HSD11B2: variants seen among roughly 807,000 people sequenced by gnomAD.
The protein encoded by HSD11B2 is hydroxysteroid 11-beta dehydrogenase 2.
In HSD11B2, 17 loss-of-function variants were observed where a neutral mutation model predicts 20.9. The observed-to-expected ratio is 0.81, with a 90% CI of 0.56 to 1.22. The LOEUF is 1.22. Among genes scored for constraint, HSD11B2 ranks in the 50% most tolerant of loss-of-function variants. The pLI is 0.00. For synonymous variants in HSD11B2, 253 were observed against 255.4 expected, an observed-to-expected ratio of 0.99 and a Z score of 0.09; for missense variants, 480 against 563.6, an observed-to-expected ratio of 0.85 and a Z score of 1.50.
Position 67,431,226 on chromosome 16 carries a change from C to T in HSD11B2, c.-23C>T. On this transcript the variant is annotated 5_prime_UTR_variant, in exon 1 of 5. Transcript: ENST00000326152. ...TCCCCGGCCCGGCCCCCGCCCCGCC[C>T]CGCCCCAGCCCGCTGGGCCGCCATG... 1 of 1,179,392 alleles carries T rather than the reference C, an allele frequency of 8.5e-7. No homozygotes were observed. Among genetic ancestry groups the T allele is most frequent in the Non-Finnish European group, 1.0e-6 (1 of 953,962 alleles). The allele number at this position is 1,179,392 out of a possible 1,614,324, so 73.1% of individuals were successfully genotyped here. A position where few individuals can be genotyped will look rare whatever the true frequency, so the allele number is the denominator to read the frequency against.
chr16:67,436,712 C>T lies in HSD11B2; in HGVS notation c.927C>T (p.His309=). The T allele has an allele frequency of 1.2e-6, 2 of 1,614,168 alleles. No homozygotes were observed. Among genetic ancestry groups the T allele is most frequent in the Non-Finnish European group, 1.7e-6 (2 of 1,180,038 alleles). ...YIEHLHGQFL[H]SLRLAMSDLT... ...AGCACTTGCATGGGCAGTTCCTGCACTCGCTACGCCTGGCCATGTCCGACC... is the reference window on the plus strand; with the variant it reads ...AGCACTTGCATGGGCAGTTCCTGCATTCGCTACGCCTGGCCATGTCCGACC... Residue 309 remains histidine, a synonymous_variant, in exon 5 of 5, where the codon CAC becomes CAT. Transcript: ENST00000326152. The surrounding 1 kb of genome is among the most constrained non-coding windows in gnomAD (Gnocchi z 5.7).
At position 67,435,699 on chromosome 16, in the gene HSD11B2, G is replaced by A. The variant is rs978078233; in HGVS notation, c.337G>A (p.Val113Ile). Residue 113 changes from valine to isoleucine, a missense_variant, in exon 2 of 5, where the codon GTA becomes ATA. By Grantham distance (29) the Val-to-Ile change is conservative. Transcript: ENST00000326152. ...CATGGGCTTCACGGTGCTGGCCACCGTATTGGAGTTGAACAGCCCCGGTGC... is the reference window on the plus strand; with the variant it reads ...CATGGGCTTCACGGTGCTGGCCACCATATTGGAGTTGAACAGCCCCGGTGC... The part of the protein sequence containing the change: ...DSMGFTVLAT[V>I]LELNSPGAIE... 1.8e-5 allele frequency: 29 copies of A among 1,613,850 alleles called. No individual in the cohort carries two copies. Among genetic ancestry groups the A allele is most frequent in the East Asian group, 2.2e-5 (1 of 44,890 alleles).
In HSD11B2 at chr16:67,435,945, C is replaced by G. The variant is rs72650120; in HGVS notation, c.479-12C>G. ...TGACCTAAGGCTTCCCTCCTCTGCT[C>G]TGTGACCCCAGGCCTGTGGGGCCTC... On this transcript the variant is annotated splice_polypyrimidine_tract_variant and intron_variant, in intron 2 of 4. Coordinates refer to ENST00000326152, the MANE Select transcript of HSD11B2 (RefSeq NM_000196.4). The G allele has an allele frequency of 6.1e-5, 99 of 1,614,038 alleles. No homozygotes were observed. The highest frequency in any genetic ancestry group is 8.4e-5 in the Non-Finnish European group (99 of 1,180,040).
At position 67,431,221 on chromosome 16, in the gene HSD11B2, C is replaced by T; in HGVS notation, c.-28C>T. 2 of 1,166,964 alleles carry T rather than the reference C, an allele frequency of 1.7e-6. No individual in the cohort carries two copies. Among genetic ancestry groups the T allele is most frequent in the Non-Finnish European group, 1.1e-6 (1 of 945,798 alleles). 72.3% of individuals were successfully genotyped at this position (1,166,964 alleles called of 1,614,324 possible). A position where few individuals can be genotyped will look rare whatever the true frequency, so the allele number is the denominator to read the frequency against. ...CCCGCTCCCCGGCCCGGCCCCCGCC[C>T]CGCCCCGCCCCAGCCCGCTGGGCCG... On this transcript the variant is annotated 5_prime_UTR_variant, in exon 1 of 5. Coordinates refer to ENST00000326152, the MANE Select transcript of HSD11B2 (RefSeq NM_000196.4).
chr16:67,431,208 C>A lies in HSD11B2; in HGVS notation c.-41C>A. 1 of 1,119,396 alleles carries A rather than the reference C, an allele frequency of 8.9e-7. No individual in the cohort carries two copies. The highest frequency in any genetic ancestry group is 1.1e-6 in the Non-Finnish European group (1 of 908,288). The allele number at this position is 1,119,396 out of a possible 1,614,324, so 69.3% of individuals were successfully genotyped here. A position where few individuals can be genotyped will look rare whatever the true frequency, so the allele number is the denominator to read the frequency against. On this transcript the variant is annotated 5_prime_UTR_variant, in exon 1 of 5. Transcript: ENST00000326152. ...GAAGCTCTCTCTCCCCGCTCCCCGG[C>A]CCGGCCCCCGCCCCGCCCCGCCCCA... is the stretch of plus-strand genomic sequence containing the variant.
chr16:67,435,548 C>A, intron 1 of HSD11B2, 80 bp from the exon 2 acceptor site: 1 of 1,173,970 alleles, frequency 8.5e-7, no homozygotes, highest in Non-Finnish European at 1.3e-6. Context: ...TGGATCCCAT[C>A]CAGACCCTGG....
chr16:67,435,458 A>G (rs1326384529), intron 1 of HSD11B2, 170 bp from the exon 2 acceptor site: 4 of 699,434 alleles, frequency 5.7e-6, no homozygotes, highest in Non-Finnish European at 1.0e-5. Flanking sequence ...GGGCTCAGCT[A>G]GAGGGACACA....
chr16:67,435,032 CAAAAAAAA>C (rs1057333024), intron 1 of HSD11B2, among the ~76,000 whole-genome samples: 2 of 70,380 alleles, frequency 2.8e-5, no homozygotes, highest in South Asian at 4.5e-4. Context: ...CCGTCTCAAA[CAAAAAAAA>C]AAAAAAAGAA....
At chr16:67,433,294 A>G (rs1336543179) in intron 1 of HSD11B2, 1 of 152,066 alleles carries the variant, frequency 6.6e-6, no homozygotes, top group Non-Finnish European at 1.5e-5. Context: ...TGCCAAGAAC[A>G]CTGTGTTTTG....
intron 1 of HSD11B2, 34 bp downstream of exon 1, chr16:67,431,547 A>G: frequency 7.5e-7 from 1 of 1,330,972 alleles, no homozygotes; most frequent in South Asian, 1.9e-5. Context: ...CGGGGACTCC[A>G]GGCTCGAGGG....
chr16:67,432,126 C>T (rs916630175), intron 1 of HSD11B2, among the ~76,000 whole-genome samples: 1 of 152,186 alleles, frequency 6.6e-6, no homozygotes, highest in African/African-American at 2.4e-5. Context: ...AGCACCCCAC[C>T]CCCAAGCCCT....
chr16:67,432,119 A>T (rs2040937739), intron 1 of HSD11B2, among the ~76,000 whole-genome samples: 1 of 151,752 alleles, frequency 6.6e-6, no homozygotes, highest in South Asian at 2.1e-4. Flanking sequence ...TACACCCAGC[A>T]CCCCACCCCC....
chr16:67,433,428 C>T (rs997260790), intron 1 of HSD11B2, among the ~76,000 whole-genome samples: 1 of 152,106 alleles, frequency 6.6e-6, no homozygotes, highest in Non-Finnish European at 1.5e-5. Context: ...TGCCTGTGTG[C>T]ACACATGTGC....
In HSD11B2 at chr16:67,431,321, C is replaced by T; in HGVS notation, c.73C>T (p.Arg25Cys). 3 of 1,251,370 alleles carry T rather than the reference C, an allele frequency of 2.4e-6. No homozygotes were observed. The highest frequency in any genetic ancestry group is 2.0e-6 in the Non-Finnish European group (2 of 988,130). The allele number at this position is 1,251,370 out of a possible 1,614,324, so 77.5% of individuals were successfully genotyped here. ...VAARALLQLLRSDLRLGRPLL... is the reference protein window; with the variant it reads ...VAARALLQLLCSDLRLGRPLL... ...TGCCCGCGCGCTGCTGCAGCTGCTG[C>T]GCTCAGACCTGCGTCTGGGCCGCCC... The change falls in exon 1 of 5, where the codon CGC (arginine) becomes TGC (cysteine). Residue 25 changes from arginine (R) to cysteine (C), a missense_variant. Arg to Cys is a radical substitution (Grantham distance 180, BLOSUM62 -3). Transcript: ENST00000326152.
Position 67,431,295 on chromosome 16 carries a change from C to A in HSD11B2, c.47C>A (p.Ala16Asp). ...WPSGGAWLLV[A>D]ARALLQLLRS... ...TCGGGCGGCGCCTGGCTGCTCGTGG[C>A]TGCCCGCGCGCTGCTGCAGCTGCTG... The change falls in exon 1 of 5, where the codon GCT (alanine) becomes GAT (aspartate). Residue 16 changes from alanine (A) to aspartate (D), a missense_variant. Coordinates refer to ENST00000326152, the MANE Select transcript of HSD11B2 (RefSeq NM_000196.4). 1 of 1,266,552 alleles carries A rather than the reference C, an allele frequency of 7.9e-7. No homozygotes were observed. Among genetic ancestry groups the A allele is most frequent in the Non-Finnish European group, 1.0e-6 (1 of 995,998 alleles). 78.5% of individuals were successfully genotyped at this position (1,266,552 alleles called of 1,614,324 possible). A position where few individuals can be genotyped will look rare whatever the true frequency, so the allele number is the denominator to read the frequency against.
In HSD11B2 at chr16:67,437,010, T is replaced by C. The variant is rs72650125; in HGVS notation, c.*7T>C. ...CCCAGCAGTGGCTCGGTGAGCCATG[T>C]GCACCTATGGCCCAGCCACTGCAGC... On this transcript the variant is annotated 3_prime_UTR_variant, in exon 5 of 5. Transcript: ENST00000326152. The C allele has an allele frequency of 2.5e-6, 4 of 1,605,822 alleles. No homozygotes were observed. The African/African-American group carries it at 5.3e-5, about 21-fold the overall frequency.
chr16:67,436,150 C>T lies in HSD11B2; in HGVS notation c.664+8C>T, dbSNP rs79845354. The T allele has an allele frequency of 3.2e-6, 5 of 1,582,728 alleles. No individual in the cohort carries two copies. Among genetic ancestry groups the T allele is most frequent in the Non-Finnish European group, 4.3e-6 (5 of 1,160,566 alleles). On this transcript the variant is annotated splice_region_variant and intron_variant, in intron 3 of 4. Coordinates refer to ENST00000326152, the MANE Select transcript of HSD11B2 (RefSeq NM_000196.4). The surrounding 1 kb of genome is among the most constrained non-coding windows in gnomAD (Gnocchi z 5.7). ...CTGTGGGGAGCCCAGCGGGTGAGTGCCCCCCCCCACTGGAGCAAAAAGGAG... is the reference window on the plus strand; with the variant it reads ...CTGTGGGGAGCCCAGCGGGTGAGTGTCCCCCCCCACTGGAGCAAAAAGGAG...
In HSD11B2 at chr16:67,436,663, A is replaced by G. The variant is rs1338524811; in HGVS notation, c.878A>G (p.Gln293Arg). 1.9e-6 allele frequency: 3 copies of G among 1,614,086 alleles called. No individual in the cohort carries two copies. Among genetic ancestry groups the G allele is most frequent in the Non-Finnish European group, 2.5e-6 (3 of 1,180,042 alleles). Residue 293 changes from glutamine to arginine, a missense_variant, in exon 5 of 5, where the codon CAG (glutamine) becomes CGG (arginine). Around this residue, in one of 2 missense-constraint regions of HSD11B2, gnomAD observed 374 missense variants for 480.9 expected, o/e 0.78. Coordinates refer to ENST00000326152, the MANE Select transcript of HSD11B2 (RefSeq NM_000196.4). This position sits in a 1 kb window ranked among gnomAD's most constrained non-coding sequence, Gnocchi z 5.7. ...GCCAACCTGCCTCAAGAGCTGCTGC[A>G]GGCCTACGGCAAGGACTACATCGAG... Reference protein sequence around the residue: ...LLANLPQELLQAYGKDYIEHL... With the variant: ...LLANLPQELLRAYGKDYIEHL...
At position 67,437,470 on chromosome 16, in the gene HSD11B2, A is replaced by G; in HGVS notation, c.*467A>G. On this transcript the variant is annotated 3_prime_UTR_variant, in exon 5 of 5. Transcript: ENST00000326152. The stretch of plus-strand genomic sequence containing the variant: ...GCTCAAGAATTAGGGCCCCAACTAC[A>G]CACCCCCAAGCCACAGGGAAGCATG... The G allele has an allele frequency of 4.9e-6, 1 of 202,184 alleles. No individual in the cohort carries two copies. The highest frequency in any genetic ancestry group is 1.3e-4 in the East Asian group (1 of 7,712). 12.5% of individuals were successfully genotyped at this position (202,184 alleles called of 1,614,324 possible). A position where few individuals can be genotyped will look rare whatever the true frequency, so the allele number is the denominator to read the frequency against.
Sources: allele counts gnomAD v4.1 joint callset (sites outside exome capture counted in the v4.1 genomes callset), GRCh38; gene constraint gnomAD v4.1.1; regional missense constraint gnomAD v4.1.1; non-coding constraint Gnocchi (gnomAD v3.1); transcripts MANE v1.5; gene names NCBI Gene and HGNC (gene_info 2026-07-23, HGNC 2026-07-21).